Variants in TMEM132C observed in about 807,000 individuals in gnomAD.
The protein encoded by TMEM132C is transmembrane protein 132C.
Under a neutral mutation model 61.4 loss-of-function variants are expected in TMEM132C, and 29 were observed. That is an observed-to-expected ratio of 0.47 (90% CI 0.35 to 0.64). The LOEUF (loss-of-function observed/expected upper bound fraction) is 0.64. TMEM132C is among the 30% of genes least tolerant of loss of function. The pLI, the probability that TMEM132C is intolerant of heterozygous loss-of-function variation, is 0.00. For missense variants in TMEM132C, 1,408 were observed against 1,476.9 expected (o/e 0.95, Z 0.76); for synonymous variants, 656 against 633.1 (o/e 1.04, Z -0.54).
intron 1 of TMEM132C, among the ~76,000 whole-genome samples, chr12:128,379,324 C>A (rs1210543816): frequency 6.6e-6 from 1 of 152,182 alleles, no homozygotes; most frequent in Non-Finnish European, 1.5e-5. Flanking sequence ...CTCTGTCTCC[C>A]CCATGTTGTT....
intron 3 of TMEM132C, among the ~76,000 whole-genome samples, chr12:128,585,956 T>C (rs904038442): frequency 6.6e-6 from 1 of 152,202 alleles, no homozygotes; most frequent in African/African-American, 2.4e-5. Flanking sequence ...AAAGTTGTTC[T>C]GGAGATGGAT....
chr12:128,578,869 A>G (rs897874085), intron 3 of TMEM132C, among the ~76,000 whole-genome samples: 1 of 152,124 alleles, frequency 6.6e-6, no homozygotes, highest in African/African-American at 2.4e-5. Context: ...AAGTGCTGGG[A>G]TTAGAGGCGT....
chr12:128,492,415 G>T (rs1019534055), intron 2 of TMEM132C, among the ~76,000 whole-genome samples: 1 of 152,158 alleles, frequency 6.6e-6, no homozygotes, highest in South Asian at 2.1e-4. Context: ...AGATCCCTGA[G>T]GAATCGCCAC....
intron 4 of TMEM132C, among the ~76,000 whole-genome samples, chr12:128,650,621 C>T (rs140895303): frequency 1.1e-4 from 17 of 152,020 alleles, no homozygotes; most frequent in Admixed American, 3.3e-4. Context: ...CCCAGCTACT[C>T]GGGAGGCTGA....
At chr12:128,305,177 G>A (rs563382121) in intron 1 of TMEM132C, among the ~76,000 whole-genome samples, 42 of 151,974 alleles carry the variant, frequency 2.8e-4, no homozygotes, top group Admixed American at 1.5e-3. Flanking sequence ...CCAGGAGTTC[G>A]GCCTCGGCAA....
intron 1 of TMEM132C, among the ~76,000 whole-genome samples, chr12:128,287,698 T>G (rs1871118191): frequency 1.3e-5 from 2 of 152,228 alleles, no homozygotes; most frequent in Admixed American, 1.3e-4. Context: ...CCTCCTTTAT[T>G]CGAATGTTTC....
At chr12:128,291,587 A>G (rs1871248338) in intron 1 of TMEM132C, among the ~76,000 whole-genome samples, 1 of 152,170 alleles carries the variant, frequency 6.6e-6, no homozygotes, top group Non-Finnish European at 1.5e-5. Flanking sequence ...CTGTTTTCCC[A>G]AGGCTCAGTT....
intron 4 of TMEM132C, among the ~76,000 whole-genome samples, chr12:128,662,564 A>C (rs1954402451): frequency 6.6e-6 from 1 of 152,156 alleles, no homozygotes; most frequent in Non-Finnish European, 1.5e-5. Flanking sequence ...TCGACATTCA[A>C]ATGTGGCTGA....
rs1593093144 is a variant in TMEM132C at position 128,542,287 on chromosome 12, A to G, written c.975-1670A>G. On this transcript the variant is annotated intron_variant, in intron 2 of 8. Coordinates refer to ENST00000435159, the MANE Select transcript of TMEM132C (RefSeq NM_001136103.3). Reference sequence around the variant, plus strand: ...CTGCATTTCCTCTTCCGGTCATGGGATTATGCCTTTTATTTTATTATTATT... The same window carrying G: ...CTGCATTTCCTCTTCCGGTCATGGGGTTATGCCTTTTATTTTATTATTATT... Among the ~76,000 whole-genome samples the G allele has an allele frequency of 2.6e-5, 4 of 151,838 alleles. No individual in the cohort carries two copies. In the South Asian group the frequency reaches 8.3e-4, roughly 32 times the overall value.
At chr12:128,574,716 GAAA>G (rs2136175400) in intron 3 of TMEM132C, among the ~76,000 whole-genome samples, 1 of 152,282 alleles carries the variant, frequency 6.6e-6, no homozygotes, top group East Asian at 1.9e-4. Context: ...GTTCCAAGTG[GAAA>G]AACCATGCTA....
At chr12:128,582,786 A>T (rs931839146) in intron 3 of TMEM132C, among the ~76,000 whole-genome samples, 1 of 152,088 alleles carries the variant, frequency 6.6e-6, no homozygotes, top group African/African-American at 2.4e-5. Context: ...GTATGTCTTT[A>T]TCAGCAGCAT....
At chr12:128,530,122 A>G (rs1873234704) in intron 2 of TMEM132C, among the ~76,000 whole-genome samples, 1 of 151,912 alleles carries the variant, frequency 6.6e-6, no homozygotes. Flanking sequence ...GGGTGGGAAG[A>G]GTGGTGAGAT....
intron 1 of TMEM132C, among the ~76,000 whole-genome samples, chr12:128,337,730 C>G (rs146562097): frequency 1.3e-5 from 2 of 152,166 alleles, no homozygotes; most frequent in African/African-American, 4.8e-5. Context: ...AGTCTCCTTG[C>G]TGTTTCTTTT....
intron 2 of TMEM132C, among the ~76,000 whole-genome samples, chr12:128,523,836 T>C (rs1202887878): frequency 2.7e-5 from 4 of 145,590 alleles, no homozygotes; most frequent in Non-Finnish European, 3.0e-5. Context: ...AAAGAGACCC[T>C]GTCTCTACAA....
intron 1 of TMEM132C, among the ~76,000 whole-genome samples, chr12:128,349,024 G>A (rs1374201886): frequency 6.6e-6 from 1 of 152,166 alleles, no homozygotes; most frequent in Non-Finnish European, 1.5e-5. Context: ...TGGTCTTAGA[G>A]ATGGAATCTC....
In TMEM132C at chr12:128,630,539, C is replaced by T. The variant is rs933738807; in HGVS notation, c.1305+14204C>T. 5.9e-5 allele frequency among the ~76,000 whole-genome samples: 9 copies of T among 152,140 alleles called. No homozygotes were observed. The highest frequency in any genetic ancestry group is 1.9e-4 in the African/African-American group (8 of 41,422). ...GCAACCTGGAACCCCTCTGAGCTTTCCCCACTCCCTTTGCAGTCTCATCTC... is the reference window on the plus strand; with the variant it reads ...GCAACCTGGAACCCCTCTGAGCTTTTCCCACTCCCTTTGCAGTCTCATCTC... On this transcript the variant is annotated intron_variant, in intron 4 of 8. Coordinates refer to ENST00000435159, the MANE Select transcript of TMEM132C (RefSeq NM_001136103.3). The surrounding 1 kb of genome is among the most constrained non-coding windows in gnomAD (Gnocchi z 4.3).
At chr12:128,423,025 G>A (rs79860752) in intron 2 of TMEM132C, among the ~76,000 whole-genome samples, 1,623 of 152,234 alleles carry the variant, frequency 0.011, 39 homozygotes, top group African/African-American at 0.036. Context: ...TTTGCTGGGT[G>A]GGTTTTGTGT....
rs369383394 is a variant in TMEM132C, at chr12:128,449,006, G to A, written c.974+33386G>A. Among the ~76,000 whole-genome samples the A allele has an allele frequency of 1.3e-3, 199 of 151,672 alleles. 3 individuals are homozygous for A. Among genetic ancestry groups the A allele is most frequent in the African/African-American group, 4.3e-3 (176 of 41,384 alleles). ...CAAAAAATTAGCCAGGCGCGGTGGC[G>A]GGCACCTGTAGTCCCAGCTACTCGG... On this transcript the variant is annotated intron_variant, in intron 2 of 8. Transcript: ENST00000435159.
At chr12:128,373,412 G>A (rs1381663828) in intron 1 of TMEM132C, among the ~76,000 whole-genome samples, 1 of 152,198 alleles carries the variant, frequency 6.6e-6, no homozygotes, top group Admixed American at 6.5e-5. Flanking sequence ...AGAGGGAATG[G>A]GATTCCTGGC....
Sources: gnomAD v4.1 joint callset for allele counts (sites outside exome capture counted in the v4.1 genomes callset) on GRCh38, gnomAD v4.1.1 for gene constraint, Gnocchi (gnomAD v3.1) non-coding constraint, MANE v1.5 for transcripts, NCBI Gene and HGNC (gene_info 2026-07-23, HGNC 2026-07-21) for gene names.